Variants in FRMD4A observed in about 807,000 individuals in gnomAD.
FRMD4A encodes FERM domain-containing protein 4A.
Under a neutral mutation model 129.1 loss-of-function variants are expected in FRMD4A, and 29 were observed. The observed-to-expected ratio is 0.22, with a 90% CI of 0.17 to 0.31. The LOEUF (loss-of-function observed/expected upper bound fraction) is 0.31, where lower values mean the gene tolerates loss of function less well. Among genes scored for constraint, FRMD4A ranks in the 10% least tolerant of loss-of-function variants. The probability of loss-of-function intolerance (pLI) is 1.00; values close to 1 mark genes in which losing one functional copy is unlikely to be tolerated. For missense variants in FRMD4A, 1,272 were observed against 1,375.8 expected, an observed-to-expected ratio of 0.92 and a Z score of 1.19; for synonymous variants, 634 against 571.6, an observed-to-expected ratio of 1.11 and a Z score of -1.56.
chr10:13,764,184 CGTGTGTGT>C (rs369852562), intron 6 of FRMD4A, among the ~76,000 whole-genome samples: 29 of 141,596 alleles, frequency 2.0e-4, no homozygotes, highest in African/African-American at 2.9e-4. Context: ...CAAAGATTTC[CGTGTGTGT>C]GTGTGTGTGT....
Position 14,326,973 on chromosome 10 carries a change from G to A in FRMD4A, c.45+3085C>T. ...AGTCCCCCCTTCCGTGGTCATATGA[G>A]TGGCTCTGTCCTGTGTGGAGAGGCA... is the stretch of plus-strand genomic sequence containing the variant. On this transcript the variant is annotated intron_variant, in intron 2 of 24. Coordinates refer to ENST00000357447, the MANE Select transcript of FRMD4A (RefSeq NM_018027.5). 7.5e-6 allele frequency: 3 copies of A among 398,668 alleles called. No homozygotes were observed. In the East Asian group the frequency reaches 1.1e-4, roughly 14 times the overall value. The allele number at this position is 398,668 out of a possible 1,614,324, so 24.7% of individuals were successfully genotyped here.
intron 2 of FRMD4A, among the ~76,000 whole-genome samples, chr10:13,893,647 G>A (rs935612818): frequency 8.6e-5 from 13 of 151,904 alleles, no homozygotes; most frequent in Non-Finnish European, 7.4e-5. Context: ...TTAGCCTCCC[G>A]AGTAGCTGGG....
At chr10:13,937,509 G>C (rs969388005) in intron 2 of FRMD4A, among the ~76,000 whole-genome samples, 7 of 152,136 alleles carry the variant, frequency 4.6e-5, no homozygotes, top group Admixed American at 3.3e-4. Context: ...CCGATAAAGA[G>C]GGGTGCCTTT....
chr10:13,951,669 C>T (rs144992522), intron 2 of FRMD4A, among the ~76,000 whole-genome samples: 2,005 of 151,858 alleles, frequency 0.013, 23 homozygotes, highest in Non-Finnish European at 0.022. Context: ...GTGGGTGAAT[C>T]ACCTGAGGTC....
At chr10:13,785,078 C>T (rs957640879) in intron 5 of FRMD4A, among the ~76,000 whole-genome samples, 15 of 151,942 alleles carry the variant, frequency 9.9e-5, no homozygotes, top group African/African-American at 2.4e-4. Flanking sequence ...AAACCCACGT[C>T]TGTAGGCTAC....
At chr10:13,652,461 A>G (rs1033432589) in intron 23 of FRMD4A, 2 of 164,788 alleles carry the variant, frequency 1.2e-5, no homozygotes, top group Admixed American at 6.0e-5. Context: ...GGATCTTGCA[A>G]TCTGAAGTTT....
chr10:13,884,156 TCA>T (rs1286449818), intron 2 of FRMD4A, among the ~76,000 whole-genome samples: 26 of 29,646 alleles, frequency 8.8e-4, no homozygotes, highest in Admixed American at 1.9e-3. Flanking sequence ...TCACACACTC[TCA>T]CACACACACT....
chr10:13,714,346 A>C (rs2088557189), intron 12 of FRMD4A, among the ~76,000 whole-genome samples: 2 of 151,016 alleles, frequency 1.3e-5, no homozygotes, highest in African/African-American at 4.9e-5. Context: ...TATAGGTGTG[A>C]GCCAACATCC....
chr10:13,707,194 G>C, intron 12 of FRMD4A, 81 bp from the exon 13 acceptor site: 3 of 927,724 alleles, frequency 3.2e-6, no homozygotes, highest in Non-Finnish European at 5.2e-6. Flanking sequence ...GTTAACTTTC[G>C]ACAGCTGGCA....
chr10:13,783,230 C>T (rs2092778715), intron 5 of FRMD4A, among the ~76,000 whole-genome samples: 1 of 152,210 alleles, frequency 6.6e-6, no homozygotes, highest in Non-Finnish European at 1.5e-5. Flanking sequence ...TCACCATAAC[C>T]AAAGAACTGG....
At chr10:14,292,608 G>C (rs1439882970) in intron 2 of FRMD4A, among the ~76,000 whole-genome samples, 1 of 152,154 alleles carries the variant, frequency 6.6e-6, no homozygotes, top group Non-Finnish European at 1.5e-5. Flanking sequence ...GATCATCCTG[G>C]CTAACATGGT....
intron 12 of FRMD4A, among the ~76,000 whole-genome samples, chr10:13,708,807 T>C (rs1489468255): frequency 6.6e-6 from 1 of 152,200 alleles, no homozygotes; most frequent in Non-Finnish European, 1.5e-5. Flanking sequence ...GTATTATATA[T>C]TCAGCGACAT....
At chr10:14,185,597 A>T (rs77062204) in intron 2 of FRMD4A, among the ~76,000 whole-genome samples, 1 of 146,850 alleles carries the variant, frequency 6.8e-6, no homozygotes, top group Non-Finnish European at 1.5e-5. Context: ...AAAGAGAAAC[A>T]GGTAGAGAGA....
At chr10:14,024,854 G>GT (rs1039365685) in intron 2 of FRMD4A, among the ~76,000 whole-genome samples, 6 of 152,332 alleles carry the variant, frequency 3.9e-5, no homozygotes, top group African/African-American at 1.2e-4. Flanking sequence ...AGGGCCACAT[G>GT]TTTTTGACTC....
intron 2 of FRMD4A, among the ~76,000 whole-genome samples, chr10:14,274,939 T>C (rs565368461): frequency 3.9e-5 from 6 of 152,338 alleles, no homozygotes; most frequent in African/African-American, 9.6e-5. Flanking sequence ...CTTACTCCTG[T>C]CCTTGAGTCT....
At chr10:14,124,533 G>A (rs1445246409) in intron 2 of FRMD4A, among the ~76,000 whole-genome samples, 3 of 152,026 alleles carry the variant, frequency 2.0e-5, no homozygotes, top group Non-Finnish European at 2.9e-5. Context: ...AAAATTAGCC[G>A]GGCATGGTGG....
intron 8 of FRMD4A, among the ~76,000 whole-genome samples, chr10:13,757,711 T>A (rs2091920560): frequency 6.6e-6 from 1 of 152,234 alleles, no homozygotes; most frequent in Non-Finnish European, 1.5e-5. Flanking sequence ...TATATAGTTC[T>A]CTTTCCATTA....
chr10:13,931,380 G>C (rs960682833), intron 2 of FRMD4A, among the ~76,000 whole-genome samples: 1 of 152,072 alleles, frequency 6.6e-6, no homozygotes, highest in Non-Finnish European at 1.5e-5. Context: ...TTTAGCACTG[G>C]CCAAATCCAT....
chr10:13,846,446 G>A (rs765457060), intron 3 of FRMD4A, among the ~76,000 whole-genome samples: 1 of 152,218 alleles, frequency 6.6e-6, no homozygotes, highest in Non-Finnish European at 1.5e-5. Context: ...GTGGGCTTGG[G>A]GGTGAAGGTG....
Sources: allele counts gnomAD v4.1 joint callset (sites outside exome capture counted in the v4.1 genomes callset), GRCh38; gene constraint gnomAD v4.1.1; transcripts MANE v1.5; gene names NCBI Gene and HGNC (gene_info 2026-07-23, HGNC 2026-07-21).